The following CATSPER3 variants were observed in gnomAD, a reference collection of about 807,000 sequenced individuals.
The protein encoded by CATSPER3 is cation channel sperm associated 3.
A neutral mutation model predicts 36.6 loss-of-function variants in CATSPER3; 23 were observed. That is an observed-to-expected ratio of 0.63 (90% CI 0.45 to 0.89). The LOEUF is 0.89. Among genes scored for constraint, CATSPER3 ranks in the 40% least tolerant of loss-of-function variants. The pLI is 0.00. For missense variants in CATSPER3, 474 were observed against 503.9 expected (o/e 0.94, Z 0.57); for synonymous variants, 172 against 184.1 (o/e 0.93, Z 0.53).
At chr5:134,972,642 G>A (rs1457137103) in intron 2 of CATSPER3, among the ~76,000 whole-genome samples, 1 of 151,870 alleles carries the variant, frequency 6.6e-6, no homozygotes, top group East Asian at 1.9e-4. Context: ...ATCGAAGATG[G>A]GGAAAAAAAA....
In CATSPER3 at chr5:134,996,334, A is replaced by G; in HGVS notation, c.314A>G (p.Asp105Gly). Residue 105 changes from aspartate to glycine, a missense_variant, in exon 3 of 8, where the codon GAC (aspartate) becomes GGC (glycine). Transcript: ENST00000282611. ...GAGTTGTCCATGAAGGTCTATGTGGACCCCATCAACTACTGGAAGAACGGC... is the reference window on the plus strand; with the variant it reads ...GAGTTGTCCATGAAGGTCTATGTGGGCCCCATCAACTACTGGAAGAACGGC... ...TSELSMKVYV[D>G]PINYWKNGYN... is the part of the protein sequence containing the mutation. 1 of 1,614,122 alleles carries G rather than the reference A, an allele frequency of 6.2e-7. No homozygotes were observed. The highest frequency in any genetic ancestry group is 8.5e-7 in the Non-Finnish European group (1 of 1,179,990).
chr5:135,007,021 C>T (rs1162093471), intron 3 of CATSPER3, among the ~76,000 whole-genome samples: 1 of 152,090 alleles, frequency 6.6e-6, no homozygotes, highest in Non-Finnish European at 1.5e-5. Context: ...GCCTCTGTTT[C>T]CCAGGTTACC....
intron 3 of CATSPER3, among the ~76,000 whole-genome samples, chr5:135,006,333 G>A (rs1393830935): frequency 6.6e-6 from 1 of 152,182 alleles, no homozygotes; most frequent in Non-Finnish European, 1.5e-5. Context: ...CTTGTGGGCT[G>A]GCCTGGAGGT....
intron 2 of CATSPER3, among the ~76,000 whole-genome samples, chr5:134,980,817 C>G (rs976563581): frequency 6.6e-6 from 1 of 152,114 alleles, no homozygotes; most frequent in African/African-American, 2.4e-5. Context: ...GCCTTAAACC[C>G]TTGGACTCAA....
At chr5:134,977,352 C>T (rs1421033163) in intron 2 of CATSPER3, among the ~76,000 whole-genome samples, 1 of 152,204 alleles carries the variant, frequency 6.6e-6, no homozygotes, top group African/African-American at 2.4e-5. Flanking sequence ...TTAGAAATTT[C>T]TTCCGCTAGA....
At chr5:134,980,669 TCCTC>T (rs1192729889) in intron 2 of CATSPER3, among the ~76,000 whole-genome samples, 1 of 151,948 alleles carries the variant, frequency 6.6e-6, no homozygotes, top group Non-Finnish European at 1.5e-5. Context: ...GACCTCATGA[TCCTC>T]CCTCCTCAGC....
intron 3 of CATSPER3, among the ~76,000 whole-genome samples, chr5:134,999,625 A>G (rs1160639440): frequency 1.3e-5 from 2 of 152,182 alleles, no homozygotes; most frequent in Non-Finnish European, 2.9e-5. Flanking sequence ...AGTCCTTCAC[A>G]TCCCTTGTAA....
intron 2 of CATSPER3, 34 bp from the exon 3 acceptor site, chr5:134,996,239 G>T: frequency 1.2e-6 from 2 of 1,614,008 alleles, no homozygotes; most frequent in Middle Eastern, 1.6e-4. Flanking sequence ...TGTGCAGCTC[G>T]ATCTGACTTC....
At chr5:134,978,341 G>T (rs1443900909) in intron 2 of CATSPER3, among the ~76,000 whole-genome samples, 1 of 152,114 alleles carries the variant, frequency 6.6e-6, no homozygotes, top group Non-Finnish European at 1.5e-5. Flanking sequence ...CGTGTTTGAG[G>T]TGATGAATAT....
At chr5:134,985,878 G>C (rs969189413) in intron 2 of CATSPER3, among the ~76,000 whole-genome samples, 1 of 151,770 alleles carries the variant, frequency 6.6e-6, no homozygotes, top group Admixed American at 6.6e-5. Context: ...CAGACTACGT[G>C]ATAGAGCAAG....
intron 7 of CATSPER3, 116 bp downstream of exon 7, chr5:135,010,646 G>C (rs1752170201): frequency 2.2e-6 from 2 of 889,684 alleles, no homozygotes; most frequent in East Asian, 5.0e-5. Context: ...GCAGTGGGTG[G>C]GTGGAACATG....
At chr5:135,002,457 C>G (rs1276805838) in intron 3 of CATSPER3, among the ~76,000 whole-genome samples, 1 of 152,108 alleles carries the variant, frequency 6.6e-6, no homozygotes. Context: ...TTGCTCTTCT[C>G]GAGGAGTATC....
At chr5:134,995,736 A>C (rs1751937152) in intron 2 of CATSPER3, 1 of 189,434 alleles carries the variant, frequency 5.3e-6, no homozygotes, top group African/African-American at 2.3e-5. Flanking sequence ...CTTAGATGAC[A>C]CAAAGAGTAC....
At chr5:134,992,966 T>G (rs1237313413) in intron 2 of CATSPER3, among the ~76,000 whole-genome samples, 2 of 152,240 alleles carry the variant, frequency 1.3e-5, no homozygotes, top group African/African-American at 4.8e-5. Context: ...TACATGTTCA[T>G]AGCCGCATTA....
intron 2 of CATSPER3, among the ~76,000 whole-genome samples, chr5:134,990,147 C>A (rs1751860287): frequency 6.6e-6 from 1 of 152,128 alleles, no homozygotes; most frequent in African/African-American, 2.4e-5. Context: ...AGACAGGTCT[C>A]AGCAAATTTA....
chr5:134,972,590 A>G (rs1048030285), intron 2 of CATSPER3, among the ~76,000 whole-genome samples: 1 of 152,196 alleles, frequency 6.6e-6, no homozygotes, highest in African/African-American at 2.4e-5. Context: ...TAAATCAATA[A>G]GAAATGAAGA....
At chr5:134,971,012 C>A (rs961198832) in intron 2 of CATSPER3, among the ~76,000 whole-genome samples, 1 of 152,026 alleles carries the variant, frequency 6.6e-6, no homozygotes, top group Middle Eastern at 3.4e-3. Flanking sequence ...TGCAGTGGCG[C>A]AATCTCGGCT....
chr5:135,007,912 C>A, intron 3 of CATSPER3, 45 bp from the exon 4 acceptor site: 1 of 1,573,708 alleles, frequency 6.4e-7, no homozygotes, highest in Admixed American at 1.7e-5. Context: ...GGAGCCCACC[C>A]AGCTTGGTGG....
chr5:134,969,524 A>G (rs903730865), intron 1 of CATSPER3: 1 of 257,262 alleles, frequency 3.9e-6, no homozygotes, highest in Admixed American at 5.1e-5. Flanking sequence ...GAGCATGTGT[A>G]TGGGTGATTA....
Sources: gnomAD v4.1 joint callset for allele counts (sites outside exome capture counted in the v4.1 genomes callset) on GRCh38, gnomAD v4.1.1 for gene constraint, MANE v1.5 for transcripts, NCBI Gene and HGNC (gene_info 2026-07-23, HGNC 2026-07-21) for gene names.